Variants in TBC1D5 observed in about 807,000 individuals in gnomAD.
TBC1D5 encodes the protein TBC1 domain family member 5.
In TBC1D5, 75 loss-of-function variants were observed where a neutral mutation model predicts 100.3. The observed-to-expected ratio is 0.75, with a 90% CI of 0.62 to 0.91. The LOEUF is 0.91. TBC1D5 is among the 40% of genes least tolerant of loss of function. TBC1D5 has a pLI of 0.00. For missense variants in TBC1D5, 910 were observed against 942.4 expected, an observed-to-expected ratio of 0.97 and a Z score of 0.45; for synonymous variants, 323 against 325.6, an observed-to-expected ratio of 0.99 and a Z score of 0.09.
chr3:17,693,499 T>C (rs890793062), intron 1 of TBC1D5, among the ~76,000 whole-genome samples: 10 of 152,168 alleles, frequency 6.6e-5, no homozygotes, highest in Non-Finnish European at 1.0e-4. Flanking sequence ...CAGTCTGAGA[T>C]TGAACCACGA....
intron 18 of TBC1D5, among the ~76,000 whole-genome samples, chr3:17,187,792 T>C (rs908622423): frequency 1.8e-4 from 28 of 152,184 alleles, no homozygotes; most frequent in African/African-American, 5.8e-4. Context: ...GTGTTTCGCC[T>C]TACAAGTGGC....
chr3:17,732,415 A>G (rs2076637730), intron 1 of TBC1D5, among the ~76,000 whole-genome samples: 1 of 151,732 alleles, frequency 6.6e-6, no homozygotes, highest in Admixed American at 6.6e-5. Flanking sequence ...TCAACCACTC[A>G]GTTACTATTC....
intron 13 of TBC1D5, among the ~76,000 whole-genome samples, chr3:17,358,765 T>A (rs574966285): frequency 6.6e-6 from 1 of 152,298 alleles, no homozygotes; most frequent in Admixed American, 6.5e-5. Flanking sequence ...TAATTTTAAT[T>A]AAAAAATTCG....
chr3:17,733,812 T>C (rs568011418), intron 1 of TBC1D5, among the ~76,000 whole-genome samples: 5 of 152,268 alleles, frequency 3.3e-5, no homozygotes, highest in Middle Eastern at 6.8e-3. Context: ...ATTATGTACC[T>C]GGAAAATCTA....
intron 2 of TBC1D5, among the ~76,000 whole-genome samples, chr3:17,541,536 C>T (rs939589897): frequency 6.6e-6 from 1 of 152,090 alleles, no homozygotes; most frequent in Non-Finnish European, 1.5e-5. Flanking sequence ...TGTGTGTTGG[C>T]ATTGTATTCT....
Position 17,255,422 on chromosome 3 carries a change from G to A in TBC1D5, c.1331+3084C>T, listed in dbSNP as rs536956619. On this transcript the variant is annotated intron_variant, in intron 16 of 21. Transcript: ENST00000253692. ...TCACCACGTTGGCCAGGATGGTCTC[G>A]ATCTCCTGACTTCGTGATCTGCCCT... 9.9e-5 allele frequency among the ~76,000 whole-genome samples: 15 copies of A among 152,046 alleles called. No individual in the cohort carries two copies. The East Asian group carries it at 2.0e-3, about 20-fold the overall frequency.
At position 17,167,692 on chromosome 3, in the gene TBC1D5, G is replaced by A. The variant is rs1004254614; in HGVS notation, c.1932+57C>T. The A allele has an allele frequency of 4.0e-6, 6 of 1,514,246 alleles. No homozygotes were observed. The South Asian group carries it at 4.5e-5, about 11-fold the overall frequency. The allele number at this position is 1,514,246 out of a possible 1,614,324, so 93.8% of individuals were successfully genotyped here. A position where few individuals can be genotyped will look rare whatever the true frequency, so the allele number is the denominator to read the frequency against. ...ACATCATGGTGCTCCATGCCCTGGG[G>A]GGCCCTCCCCGCGGCAGGCGGGACA... is the stretch of plus-strand genomic sequence containing the variant. On this transcript the variant is annotated intron_variant, in intron 20 of 21. Transcript: ENST00000253692.
rs33956978 is a variant in TBC1D5 at position 17,602,561 on chromosome 3, A to ATTTTTTTTTTTTTTT, written c.-36+21273_-36+21287dup. On this transcript the variant is annotated intron_variant, in intron 2 of 21. Transcript: ENST00000253692. ...TTATGCCATAATACGAGAGAATCAG[A>ATTTTTTTTTTTTTTT]TTTTTTTTTTTTTTTTTTTTTTTTT... 2.5e-4 allele frequency among the ~76,000 whole-genome samples: 19 copies of ATTTTTTTTTTTTTTT among 74,516 alleles called. 2 individuals are homozygous for ATTTTTTTTTTTTTTT. Among genetic ancestry groups the ATTTTTTTTTTTTTTT allele is most frequent in the South Asian group, 4.7e-4 (1 of 2,116 alleles). The allele number at this position is 74,516 out of a possible 152,430, so 48.9% of individuals were successfully genotyped here. A position where few individuals can be genotyped will look rare whatever the true frequency, so the allele number is the denominator to read the frequency against.
chr3:17,388,823 G>A (rs938830743), intron 8 of TBC1D5, among the ~76,000 whole-genome samples: 2 of 151,974 alleles, frequency 1.3e-5, no homozygotes, highest in Non-Finnish European at 1.5e-5. Context: ...TGTTTGTGCC[G>A]CTGCACTTTG....
intron 3 of TBC1D5, among the ~76,000 whole-genome samples, chr3:17,476,867 G>A (rs565525371): frequency 6.6e-6 from 1 of 152,018 alleles, no homozygotes; most frequent in South Asian, 2.1e-4. Flanking sequence ...TATAAATGCT[G>A]TATCTTTATT....
At chr3:17,443,899 T>G (rs1233767492) in intron 3 of TBC1D5, among the ~76,000 whole-genome samples, 1 of 152,154 alleles carries the variant, frequency 6.6e-6, no homozygotes, top group Admixed American at 6.5e-5. Context: ...AAAAATGAAA[T>G]GAACGGAGTG....
chr3:17,212,453 T>G (rs1015480040), intron 18 of TBC1D5, among the ~76,000 whole-genome samples: 1 of 152,212 alleles, frequency 6.6e-6, no homozygotes, highest in Non-Finnish European at 1.5e-5. Flanking sequence ...ATGTATTTAC[T>G]ACATTATACT....
intron 15 of TBC1D5, among the ~76,000 whole-genome samples, chr3:17,261,821 C>T (rs1273840222): frequency 6.7e-6 from 1 of 150,300 alleles, no homozygotes; most frequent in Non-Finnish European, 1.5e-5. Context: ...CCACGCTTGG[C>T]TAATATTTGC....
intron 1 of TBC1D5, among the ~76,000 whole-genome samples, chr3:17,624,791 C>G (rs1268045515): frequency 6.6e-6 from 1 of 152,002 alleles, no homozygotes; most frequent in Non-Finnish European, 1.5e-5. Context: ...CAATGAAAGA[C>G]CCTGTTCAAA....
chr3:17,437,005 G>C (rs2094548149), intron 3 of TBC1D5, among the ~76,000 whole-genome samples: 1 of 152,208 alleles, frequency 6.6e-6, no homozygotes, highest in African/African-American at 2.4e-5. Flanking sequence ...ACAGTGTTGG[G>C]AGATGGGGCC....
chr3:17,641,980 G>A (rs2153698072), intron 1 of TBC1D5, among the ~76,000 whole-genome samples: 1 of 152,136 alleles, frequency 6.6e-6, no homozygotes, highest in South Asian at 2.1e-4. Context: ...GTATTAGATA[G>A]TATTGCTCTT....
At chr3:17,496,140 G>C (rs886215166) in intron 3 of TBC1D5, among the ~76,000 whole-genome samples, 2 of 152,094 alleles carry the variant, frequency 1.3e-5, no homozygotes, top group East Asian at 3.8e-4. Flanking sequence ...AAGGAGCCAA[G>C]AATGCATTAT....
chr3:17,457,647 A>G (rs1330506547), intron 3 of TBC1D5, among the ~76,000 whole-genome samples: 1 of 151,958 alleles, frequency 6.6e-6, no homozygotes, highest in Non-Finnish European at 1.5e-5. Context: ...TCCACCATAT[A>G]TGTCATATCT....
intron 2 of TBC1D5, among the ~76,000 whole-genome samples, chr3:17,549,538 T>G (rs557181866): frequency 3.3e-4 from 50 of 152,254 alleles, no homozygotes; most frequent in Non-Finnish European, 6.6e-4. Flanking sequence ...AAACAAGCCT[T>G]TAGTATGATT....
Sources: allele counts gnomAD v4.1 joint callset (sites outside exome capture counted in the v4.1 genomes callset), GRCh38; gene constraint gnomAD v4.1.1; transcripts MANE v1.5; gene names NCBI Gene and HGNC (gene_info 2026-07-23, HGNC 2026-07-21).